The following UGGT1 variants were observed in gnomAD, a reference collection of about 807,000 sequenced individuals.
UGGT1 encodes the protein UDP-glucose glycoprotein glucosyltransferase 1, also known as UDP-glucose:glycoprotein glucosyltransferase 1.
Under a neutral mutation model 203.9 loss-of-function variants are expected in UGGT1, and 107 were observed. The observed-to-expected ratio is 0.52, with a 90% CI of 0.45 to 0.62. The LOEUF is 0.62. Among genes scored for constraint, UGGT1 ranks in the 20% least tolerant of loss-of-function variants. UGGT1 has a pLI of 0.00. For missense variants in UGGT1, 1,673 were observed against 1,867.2 expected (o/e 0.90, Z 1.92); for synonymous variants, 628 against 653.5 (o/e 0.96, Z 0.59).
At chr2:128,097,349 T>G (rs1333159217) in intron 1 of UGGT1, 80 bp from the exon 2 acceptor site, 3 of 1,510,848 alleles carry the variant, frequency 2.0e-6, no homozygotes, top group African/African-American at 1.4e-5. Context: ...CACTCCAGCC[T>G]GGGCGACAGG....
Position 128,116,271 on chromosome 2 carries a change from A to T in UGGT1, c.800A>T (p.Glu267Val). ...ATTTTCTATTCTTTCATAGGAACTG[A>T]GGTAAACACCACAGTGATTGGTGAA... Reference protein sequence around the residue: ...AKDDTQVKGTEVNTTVIGEND... With the variant: ...AKDDTQVKGTVVNTTVIGEND... Residue 267 changes from glutamate (E) to valine (V), a missense_variant, in exon 8 of 41, where the codon GAG becomes GTG. By Grantham distance (121) the Glu-to-Val change is moderately radical. Around this residue, in one of 4 missense-constraint regions of UGGT1, gnomAD observed 1,073 missense variants for 1,078.7 expected, o/e 0.99. Coordinates refer to ENST00000259253, the MANE Select transcript of UGGT1 (RefSeq NM_020120.4). The T allele has an allele frequency of 6.3e-7, 1 of 1,599,130 alleles. No homozygotes were observed. The highest frequency in any genetic ancestry group is 8.6e-7 in the Non-Finnish European group (1 of 1,167,110).
intron 36 of UGGT1, among the ~76,000 whole-genome samples, chr2:128,181,862 A>G (rs1415494159): frequency 6.6e-6 from 1 of 152,234 alleles, no homozygotes; most frequent in African/African-American, 2.4e-5. Flanking sequence ...TCCATTTTAC[A>G]GATGAAGAAA....
intron 5 of UGGT1, among the ~76,000 whole-genome samples, chr2:128,111,168 C>A (rs7563534): frequency 5.3e-5 from 8 of 152,060 alleles, no homozygotes; most frequent in African/African-American, 1.9e-4. Context: ...ACCGGTGCAA[C>A]AAAGTGAGAC....
intron 27 of UGGT1, among the ~76,000 whole-genome samples, chr2:128,170,843 C>T (rs904039025): frequency 3.9e-5 from 6 of 152,102 alleles, no homozygotes; most frequent in African/African-American, 9.7e-5. Context: ...CATTCATTGC[C>T]GAATAAATCT....
intron 26 of UGGT1, among the ~76,000 whole-genome samples, chr2:128,168,773 A>C (rs1248995365): frequency 6.6e-6 from 1 of 152,200 alleles, no homozygotes; most frequent in Non-Finnish European, 1.5e-5. Flanking sequence ...GGGGCTGGGC[A>C]TGATGGCTCA....
intron 5 of UGGT1, 57 bp from the exon 6 acceptor site, chr2:128,113,026 CA>C (rs967039467): frequency 7.2e-6 from 10 of 1,383,522 alleles, no homozygotes; most frequent in African/African-American, 5.9e-5. Context: ...TATTTTGTGA[CA>C]TTTTTAGTGT....
At chr2:128,106,764 G>C (rs1251184419) in intron 3 of UGGT1, among the ~76,000 whole-genome samples, 1 of 152,066 alleles carries the variant, frequency 6.6e-6, no homozygotes, top group Non-Finnish European at 1.5e-5. Flanking sequence ...TGGCCAGGCT[G>C]GTCTTGAACT....
rs1485199952 is a variant in UGGT1 at position 128,152,873 on chromosome 2, T to A, written c.2106T>A (p.Ala702=). The change falls in exon 19 of 41, where the codon GCT becomes GCA. Residue 702 remains alanine (A), a synonymous_variant. Coordinates refer to ENST00000259253, the MANE Select transcript of UGGT1 (RefSeq NM_020120.4). The part of the protein sequence containing the change: ...VPRINSRILT[A]ERDYLDLTAS... Reference sequence around the variant, plus strand: ...GAATCAATTCTAGGATTTTGACAGCTGAACGAGACTACCTGGATTTAACAG... The same window carrying A: ...GAATCAATTCTAGGATTTTGACAGCAGAACGAGACTACCTGGATTTAACAG... 1 of 1,613,982 alleles carries A rather than the reference T, an allele frequency of 6.2e-7. No homozygotes were observed. The highest frequency in any genetic ancestry group is 8.5e-7 in the Non-Finnish European group (1 of 1,180,008).
chr2:128,145,718 A>G, intron 17 of UGGT1, 85 bp from the exon 18 acceptor site: 2 of 1,199,174 alleles, frequency 1.7e-6, no homozygotes, highest in Non-Finnish European at 2.2e-6. Context: ...TGTTGTTAGA[A>G]CAGGCATGTA....
At chr2:128,097,354 G>A (rs898713044) in intron 1 of UGGT1, 75 bp from the exon 2 acceptor site, 45 of 1,520,440 alleles carry the variant, frequency 3.0e-5, no homozygotes, top group African/African-American at 5.6e-5. Flanking sequence ...CAGCCTGGGC[G>A]ACAGGGCGAG....
chr2:128,121,106 C>T (rs1172900939), intron 9 of UGGT1, 93 bp from the exon 10 acceptor site: 1 of 1,188,330 alleles, frequency 8.4e-7, no homozygotes, highest in East Asian at 2.4e-5. Context: ...TCTTAATTAC[C>T]ATGAAAAGAG....
intron 1 of UGGT1, among the ~76,000 whole-genome samples, chr2:128,092,605 CTTTTTTTT>C (rs55814829): frequency 7.9e-6 from 1 of 126,732 alleles, no homozygotes; most frequent in Non-Finnish European, 1.6e-5. Context: ...TTCTTTCTTT[CTTTTTTTT>C]TTTTTTTTTG....
chr2:128,163,533 G>A lies in UGGT1; in HGVS notation c.2826-1197G>A, dbSNP rs1174659848. On this transcript the variant is annotated intron_variant, in intron 25 of 40. Transcript: ENST00000259253. ...GATCGAGACCATCTTGGCTAACACG[G>A]TGAAACCCCGTCTCTACTAAAAATA... 2.0e-5 allele frequency among the ~76,000 whole-genome samples: 3 copies of A among 151,918 alleles called. No individual in the cohort carries two copies. In the East Asian group the frequency reaches 5.9e-4, roughly 30 times the overall value.
intron 2 of UGGT1, among the ~76,000 whole-genome samples, chr2:128,097,937 C>G (rs577668622): frequency 1.3e-5 from 2 of 152,306 alleles, no homozygotes; most frequent in East Asian, 3.9e-4. Context: ...TCTTGGCTCA[C>G]TGTGACCTCC....
chr2:128,116,789 T>C (rs1688124255), intron 8 of UGGT1, among the ~76,000 whole-genome samples: 1 of 152,106 alleles, frequency 6.6e-6, no homozygotes, highest in Admixed American at 6.5e-5. Context: ...CCTCCCAAAG[T>C]GCTGGGATTA....
rs1488252585 is a variant in UGGT1 at position 128,113,124 on chromosome 2, T to A, written c.562T>A (p.Ser188Thr). The change falls in exon 6 of 41, where the codon TCG becomes ACG. Residue 188 changes from serine to threonine, a missense_variant. Ser to Thr is a moderately conservative substitution (Grantham distance 58). Transcript: ENST00000259253. ...GTTCAAAGGAGATCACAGATATCCC[T>A]CGTCTAATCCTGAAAGCCCTGTGGT... ...LLFKGDHRYP[S>T]SNPESPVVIF... The A allele has an allele frequency of 6.2e-7, 1 of 1,609,598 alleles. No individual in the cohort carries two copies. Among genetic ancestry groups the A allele is most frequent in the Non-Finnish European group, 8.5e-7 (1 of 1,177,710 alleles).
Position 128,120,607 on chromosome 2 carries a change from G to A in UGGT1, c.973+151G>A, listed in dbSNP as rs1688332011. 7.5e-6 allele frequency: 5 copies of A among 663,060 alleles called. No individual in the cohort carries two copies. In the East Asian group the frequency reaches 1.3e-4, roughly 17 times the overall value. 41.1% of individuals were successfully genotyped at this position (663,060 alleles called of 1,614,324 possible). ...AAGAGTGATTAATTACGATTAATCA[G>A]GGAAGAAAGGAAGTCCTTTTGTAAA... On this transcript the variant is annotated intron_variant, in intron 9 of 40. Coordinates refer to ENST00000259253, the MANE Select transcript of UGGT1 (RefSeq NM_020120.4).
intron 1 of UGGT1, among the ~76,000 whole-genome samples, chr2:128,094,936 A>T (rs1687042922): frequency 6.6e-6 from 1 of 151,642 alleles, no homozygotes; most frequent in Non-Finnish European, 1.5e-5. Flanking sequence ...TTTAGTAGAG[A>T]CGGGGTTTCA....
At chr2:128,121,467 G>A (rs1226887332) in intron 10 of UGGT1, among the ~76,000 whole-genome samples, 169 bp downstream of exon 10, 2 of 147,568 alleles carry the variant, frequency 1.4e-5, no homozygotes, top group Non-Finnish European at 3.0e-5. Context: ...GTGCAGTGGT[G>A]CAATCTCGGC....
Sources: gnomAD v4.1 joint callset for allele counts (sites outside exome capture counted in the v4.1 genomes callset) on GRCh38, gnomAD v4.1.1 for gene constraint, gnomAD v4.1.1 regional missense constraint, MANE v1.5 for transcripts, NCBI Gene and HGNC (gene_info 2026-07-23, HGNC 2026-07-21) for gene names.